Variants in WHRN observed in about 807,000 individuals in gnomAD.
The protein encoded by WHRN is whirlin, also known as CASK-interacting protein CIP98.
Under a neutral mutation model 68.3 loss-of-function variants are expected in WHRN, and 41 were observed. That is an observed-to-expected ratio of 0.60 (90% CI 0.47 to 0.78). WHRN has a LOEUF of 0.78. Among genes scored for constraint, WHRN ranks in the 30% least tolerant of loss-of-function variants. WHRN has a pLI of 0.00. For synonymous variants in WHRN, 560 were observed against 561.3 expected, an observed-to-expected ratio of 1.00 and a Z score of 0.03; for missense variants, 1,243 against 1,244.7, an observed-to-expected ratio of 1.00 and a Z score of 0.02.
chr9:114,441,305 G>A (rs1235867310), intron 3 of WHRN, among the ~76,000 whole-genome samples: 1 of 152,136 alleles, frequency 6.6e-6, no homozygotes, highest in Non-Finnish European at 1.5e-5. Flanking sequence ...CAACTGTGTG[G>A]GAAGGTTGGC....
rs140954343 is a variant in WHRN, at chr9:114,423,372, C to T, written c.1568G>A (p.Ser523Asn). The change falls in exon 7 of 12, where the codon AGT becomes AAT. Residue 523 changes from serine (S) to asparagine (N), a missense_variant. By Grantham distance (46) the Ser-to-Asn change is conservative. Transcript: ENST00000362057. ...GCTGCCTGTGGATGAACCCGTGTCA[C>T]TGTAGGAGACCATGGAGTAGGTGTC... ...AGDTYSMVSY[S>N]DTGSSTGSHG... 98 of 1,613,934 alleles carry T rather than the reference C, an allele frequency of 6.1e-5. 1 individual carries two copies. The African/African-American group carries it at 9.6e-4, about 16-fold the overall frequency.
rs536512100 is a variant in WHRN at position 114,402,180 on chromosome 9, G to T, written c.*574C>A. The T allele has an allele frequency of 5.9e-6, 1 of 168,428 alleles. No individual in the cohort carries two copies. The highest frequency in any genetic ancestry group is 1.3e-5 in the Non-Finnish European group (1 of 76,138). The allele number at this position is 168,428 out of a possible 1,614,324, so 10.4% of individuals were successfully genotyped here. Reference sequence around the variant, plus strand: ...ACCTGCAAGGCCTCTGGGATAGGCTGGGGGTGCAGAGGGAAGCTGGGGCCT... The same window carrying T: ...ACCTGCAAGGCCTCTGGGATAGGCTTGGGGTGCAGAGGGAAGCTGGGGCCT... On this transcript the variant is annotated 3_prime_UTR_variant, in exon 12 of 12. Coordinates refer to ENST00000362057, the MANE Select transcript of WHRN (RefSeq NM_015404.4).
Position 114,406,579 on chromosome 9 carries a change from A to AG in WHRN, c.2011dup (p.Leu671ProfsTer67). 1 of 1,611,104 alleles carries AG rather than the reference A, an allele frequency of 6.2e-7. No homozygotes were observed. The highest frequency in any genetic ancestry group is 8.5e-7 in the Non-Finnish European group (1 of 1,177,968). ...GGGGCCGATGGGGTGTTGGTTGACC[A>AG]GGGCCAGATGGGCGTCCAGCGGCCT... On this transcript the variant is annotated frameshift_variant, in exon 9 of 12. Coordinates refer to ENST00000362057, the MANE Select transcript of WHRN (RefSeq NM_015404.4). LOFTEE classifies it high-confidence loss of function.
intron 3 of WHRN, among the ~76,000 whole-genome samples, chr9:114,449,807 C>A (rs1324633): frequency 0.38 from 57,265 of 152,080 alleles, 12,374 homozygotes; most frequent in African/African-American, 0.59. Context: ...TGCCACAAGC[C>A]AATCGCTTAG....
At chr9:114,489,031 C>A (rs1842755971) in intron 1 of WHRN, among the ~76,000 whole-genome samples, 1 of 152,210 alleles carries the variant, frequency 6.6e-6, no homozygotes, top group Non-Finnish European at 1.5e-5. Context: ...TCCTGCCCTG[C>A]CACCTGAGCT....
chr9:114,406,323 A>T, intron 9 of WHRN, 32 bp downstream of exon 9: 1 of 1,613,374 alleles, frequency 6.2e-7, no homozygotes, highest in Non-Finnish European at 8.5e-7. Flanking sequence ...GGGACCCCCA[A>T]GGACCACAGA....
intron 7 of WHRN, among the ~76,000 whole-genome samples, chr9:114,417,004 A>G (rs764577987): frequency 1.3e-5 from 2 of 152,238 alleles, no homozygotes; most frequent in Non-Finnish European, 2.9e-5. Flanking sequence ...CTGGCACTAG[A>G]TGAAGAATTC....
chr9:114,413,589 G>C (rs957790427), intron 7 of WHRN, among the ~76,000 whole-genome samples: 6 of 152,230 alleles, frequency 3.9e-5, no homozygotes, highest in African/African-American at 1.4e-4. Context: ...CAGGGTAGGG[G>C]TGTAAGTCTG....
chr9:114,409,304 C>G (rs546784045), intron 7 of WHRN, among the ~76,000 whole-genome samples: 23 of 152,286 alleles, frequency 1.5e-4, no homozygotes, highest in African/African-American at 5.5e-4. Context: ...GACAAGCAAA[C>G]AAGCAACAGG....
chr9:114,453,278 C>G (rs972982434), intron 3 of WHRN, among the ~76,000 whole-genome samples: 2 of 152,042 alleles, frequency 1.3e-5, no homozygotes, highest in Non-Finnish European at 2.9e-5. Flanking sequence ...ACAACCAGCT[C>G]TCACATGAAC....
intron 3 of WHRN, among the ~76,000 whole-genome samples, chr9:114,460,125 T>C (rs1026637871): frequency 6.6e-6 from 1 of 152,212 alleles, no homozygotes; most frequent in Non-Finnish European, 1.5e-5. Flanking sequence ...CACACTGGGC[T>C]TGGGAAACTT....
intron 1 of WHRN, among the ~76,000 whole-genome samples, chr9:114,499,386 G>T (rs1209645575): frequency 1.3e-5 from 2 of 152,198 alleles, no homozygotes; most frequent in Non-Finnish European, 1.5e-5. Context: ...ATTTAAAAAA[G>T]AAGTCAGTTT....
At chr9:114,429,325 G>A (rs1837194378) in intron 3 of WHRN, among the ~76,000 whole-genome samples, 1 of 152,178 alleles carries the variant, frequency 6.6e-6, no homozygotes, top group South Asian at 2.1e-4. Context: ...AGGAAGCAAA[G>A]CACTATGGCT....
intron 4 of WHRN, chr9:114,425,921 T>G: frequency 2.1e-6 from 1 of 472,584 alleles, no homozygotes; most frequent in East Asian, 4.3e-5. Context: ...GGCAGGGTTA[T>G]GGTCCCCACT....
chr9:114,463,742 C>T (rs1286171093), intron 3 of WHRN, among the ~76,000 whole-genome samples: 1 of 152,108 alleles, frequency 6.6e-6, no homozygotes, highest in African/African-American at 2.4e-5. Context: ...GATTATTTCC[C>T]CCTGGAGTCC....
chr9:114,473,985 G>A (rs1369832611), intron 2 of WHRN, among the ~76,000 whole-genome samples: 4 of 152,074 alleles, frequency 2.6e-5, no homozygotes, highest in African/African-American at 4.8e-5. Flanking sequence ...AGACCCCATG[G>A]CAACACACTC....
At chr9:114,466,225 G>C (rs1383315550) in intron 3 of WHRN, 42 bp downstream of exon 3, 8 of 1,612,544 alleles carry the variant, frequency 5.0e-6, no homozygotes, top group Non-Finnish European at 6.8e-6. Flanking sequence ...GCAGCAAAGA[G>C]CTCCATGCAC....
intron 3 of WHRN, among the ~76,000 whole-genome samples, chr9:114,460,606 C>T (rs372601935): frequency 9.2e-5 from 14 of 152,328 alleles, no homozygotes; most frequent in East Asian, 5.8e-4. Flanking sequence ...TTAGCCCCCA[C>T]TGGGGGAGTG....
intron 2 of WHRN, among the ~76,000 whole-genome samples, chr9:114,471,431 G>T (rs1196227917): frequency 6.6e-6 from 1 of 152,124 alleles, no homozygotes; most frequent in African/African-American, 2.4e-5. Context: ...TGGCTTGCCT[G>T]CAGTGCCTGG....
Sources: allele counts gnomAD v4.1 joint callset (sites outside exome capture counted in the v4.1 genomes callset), GRCh38; gene constraint gnomAD v4.1.1; transcripts MANE v1.5; gene names NCBI Gene and HGNC (gene_info 2026-07-23, HGNC 2026-07-21).